The following TMC5 variants were observed in gnomAD, a reference collection of about 807,000 sequenced individuals.
TMC5 encodes the protein transmembrane channel like 5, also known as transmembrane channel-like protein 5.
Under a neutral mutation model 110.5 loss-of-function variants are expected in TMC5, and 86 were observed. That is an observed-to-expected ratio of 0.78 (90% CI 0.65 to 0.93). The LOEUF is 0.93. TMC5 is among the 40% of genes least tolerant of loss of function. TMC5 has a pLI of 0.00. For synonymous variants in TMC5, 455 were observed against 439.5 expected (o/e 1.04, Z -0.44); for missense variants, 1,144 against 1,222.8 (o/e 0.94, Z 0.96).
chr16:19,492,775 T>C (rs1056532805), intron 19 of TMC5, among the ~76,000 whole-genome samples: 10 of 151,284 alleles, frequency 6.6e-5, no homozygotes, highest in Admixed American at 3.3e-4. Context: ...TATGTTGCCC[T>C]GGCTGGATTC....
chr16:19,465,050 TCTTTCTTTTCCTTCCTTCC>T (rs1418886053), intron 8 of TMC5, among the ~76,000 whole-genome samples: 21 of 103,508 alleles, frequency 2.0e-4, no homozygotes, highest in African/African-American at 1.0e-3. Flanking sequence ...TTTCTTTCTT[TCTTTCTTTTCCTTCCTTCC>T]TTCCTTCCTT....
intron 2 of TMC5, among the ~76,000 whole-genome samples, chr16:19,433,536 C>G (rs1353887978): frequency 6.6e-6 from 1 of 152,168 alleles, no homozygotes; most frequent in East Asian, 1.9e-4. Flanking sequence ...ACCCTGAGTC[C>G]TGGCTTTCAT....
chr16:19,457,634 G>C (rs1967912521), intron 5 of TMC5, among the ~76,000 whole-genome samples: 1 of 144,240 alleles, frequency 6.9e-6, no homozygotes, highest in South Asian at 2.4e-4. Flanking sequence ...TGAGGAAACT[G>C]AAGCTCAGAT....
In TMC5 at chr16:19,440,094, A is replaced by G. The variant is rs1233425618; in HGVS notation, c.56A>G (p.Tyr19Cys). ...WSEEDPDYPD[Y>C]SGSQNRTQGY... ...GAGGAAGACCCAGATTACCCTGACT[A>G]TTCAGGGTCTCAGAACCGTACGCAG... is the stretch of plus-strand genomic sequence containing the variant. Residue 19 changes from tyrosine to cysteine, a missense_variant, in exon 3 of 22, where the codon TAT becomes TGT. Tyr to Cys is a radical substitution (Grantham distance 194). Transcript: ENST00000542583. The G allele has an allele frequency of 6.2e-7, 1 of 1,614,124 alleles. No homozygotes were observed. The highest frequency in any genetic ancestry group is 8.5e-7 in the Non-Finnish European group (1 of 1,180,018).
At chr16:19,425,120 T>C (rs557203331) in intron 1 of TMC5, among the ~76,000 whole-genome samples, 1 of 152,304 alleles carries the variant, frequency 6.6e-6, no homozygotes, top group East Asian at 1.9e-4. Context: ...TAGGAGCCTG[T>C]GCCGGAAACC....
At chr16:19,449,727 G>T (rs1967704899) in intron 5 of TMC5, 96 bp downstream of exon 5, 2 of 1,080,774 alleles carry the variant, frequency 1.9e-6, no homozygotes, top group East Asian at 2.4e-5. Flanking sequence ...GAGGTGATTG[G>T]ATCATGGGGG....
At chr16:19,429,010 G>A (rs2143396952) in intron 1 of TMC5, among the ~76,000 whole-genome samples, 1 of 152,152 alleles carries the variant, frequency 6.6e-6, no homozygotes, top group Non-Finnish European at 1.5e-5. Context: ...ATTTTTAGTA[G>A]AGATGGGTTT....
At chr16:19,478,471 G>A (rs1968539090) in intron 13 of TMC5, among the ~76,000 whole-genome samples, 1 of 152,034 alleles carries the variant, frequency 6.6e-6, no homozygotes, top group Non-Finnish European at 1.5e-5. Context: ...ATCCATTCAT[G>A]CATCCATCCA....
At chr16:19,465,254 C>T (rs533319816) in intron 8 of TMC5, among the ~76,000 whole-genome samples, 109 of 152,114 alleles carry the variant, frequency 7.2e-4, no homozygotes, top group African/African-American at 2.6e-3. Flanking sequence ...AAATAATCAG[C>T]CGGGTACGGT....
chr16:19,469,886 C>T, intron 10 of TMC5, 61 bp downstream of exon 10: 1 of 1,548,030 alleles, frequency 6.5e-7, no homozygotes, highest in Non-Finnish European at 8.7e-7. Context: ...CTCCAGTATA[C>T]CTGTAACTTT....
chr16:19,497,413 T>G (rs1198576876), intron 21 of TMC5, among the ~76,000 whole-genome samples: 1 of 152,242 alleles, frequency 6.6e-6, no homozygotes, highest in African/African-American at 2.4e-5. Context: ...CAATAGACTC[T>G]GCCTAATAAG....
upstream of TMC5, among the ~76,000 whole-genome samples, chr16:19,417,418 C>CAAAAAA (rs34861075): frequency 1.2e-5 from 1 of 85,338 alleles, no homozygotes; most frequent in Non-Finnish European, 2.2e-5. Context: ...AACGCTGTCT[C>CAAAAAA]AAAAAAAAAA....
chr16:19,476,005 T>C (rs1177887066), intron 12 of TMC5, among the ~76,000 whole-genome samples: 2 of 152,070 alleles, frequency 1.3e-5, no homozygotes, highest in African/African-American at 4.8e-5. Flanking sequence ...GAATGATTGG[T>C]GAATGAATAA....
intron 17 of TMC5, among the ~76,000 whole-genome samples, chr16:19,489,993 C>T (rs1327979047): frequency 6.6e-6 from 1 of 151,988 alleles, no homozygotes; most frequent in African/African-American, 2.4e-5. Context: ...CTATGTTGCC[C>T]AGGCTGGTCT....
At chr16:19,452,319 G>A (rs1303480458) in intron 5 of TMC5, among the ~76,000 whole-genome samples, 1 of 152,138 alleles carries the variant, frequency 6.6e-6, no homozygotes, top group East Asian at 1.9e-4. Context: ...CACCCTCCAG[G>A]AACCTCCCCG....
At chr16:19,463,722 T>C in intron 7 of TMC5, 54 bp from the exon 8 acceptor site, 1 of 1,587,768 alleles carries the variant, frequency 6.3e-7, no homozygotes. Flanking sequence ...ACCTGCTCAG[T>C]CGATATTTGT....
chr16:19,419,357 T>C (rs1171961809), intron 1 of TMC5, among the ~76,000 whole-genome samples: 2 of 149,942 alleles, frequency 1.3e-5, no homozygotes, highest in Non-Finnish European at 3.0e-5. Flanking sequence ...AGATTCTTTC[T>C]ACACTAGAGA....
At position 19,491,661 on chromosome 16, in the gene TMC5, G is replaced by A. The variant is rs572564514; in HGVS notation, c.2748-489G>A. On this transcript the variant is annotated intron_variant, in intron 18 of 21. Transcript: ENST00000542583. ...TGCCATTCTCCTGCCTCAGCCTCCC[G>A]AGTAGTTGGGACTACAGGCACCCAC... is the stretch of plus-strand genomic sequence containing the variant. Among the ~76,000 whole-genome samples, 14 of 149,248 alleles carry A rather than the reference G, an allele frequency of 9.4e-5. No individual in the cohort carries two copies. In the South Asian group the frequency reaches 1.1e-3, roughly 11 times the overall value.
intron 21 of TMC5, among the ~76,000 whole-genome samples, chr16:19,497,623 T>C (rs943888245): frequency 6.6e-6 from 1 of 152,168 alleles, no homozygotes; most frequent in African/African-American, 2.4e-5. Context: ...GGTGCAACCA[T>C]GAAGACCATA....
Sources: gnomAD v4.1 joint callset for allele counts (sites outside exome capture counted in the v4.1 genomes callset) on GRCh38, gnomAD v4.1.1 for gene constraint, MANE v1.5 for transcripts, NCBI Gene and HGNC (gene_info 2026-07-23, HGNC 2026-07-21) for gene names.